PDSS2: variants seen among roughly 807,000 people sequenced by gnomAD.
The protein encoded by PDSS2 is all trans-polyprenyl-diphosphate synthase PDSS2.
A neutral mutation model predicts 44.5 loss-of-function variants in PDSS2; 31 were observed. The observed-to-expected ratio is 0.70, with a 90% CI of 0.52 to 0.94. The LOEUF (loss-of-function observed/expected upper bound fraction) is 0.94, where lower values mean the gene tolerates loss of function less well. Among genes scored for constraint, PDSS2 ranks in the 40% least tolerant of loss-of-function variants. The probability of loss-of-function intolerance (pLI) is 0.00; values close to 1 mark genes in which losing one functional copy is unlikely to be tolerated. For missense variants in PDSS2, 452 were observed against 482.2 expected, an observed-to-expected ratio of 0.94 and a Z score of 0.59; for synonymous variants, 157 against 180.3, an observed-to-expected ratio of 0.87 and a Z score of 1.03.
intron 1 of PDSS2, among the ~76,000 whole-genome samples, chr6:107,382,608 C>T (rs1779486610): frequency 6.6e-6 from 1 of 152,204 alleles, no homozygotes; most frequent in Non-Finnish European, 1.5e-5. Flanking sequence ...AGACCAAGAA[C>T]GGGAGGATCA....
intron 4 of PDSS2, among the ~76,000 whole-genome samples, chr6:107,234,730 A>G (rs141427499): frequency 1.0e-3 from 159 of 152,242 alleles, no homozygotes; most frequent in African/African-American, 3.7e-3. Context: ...GGTCAATTAG[A>G]TGCAAAACAT....
chr6:107,431,730 T>A (rs1441907614), intron 1 of PDSS2, among the ~76,000 whole-genome samples: 1 of 152,222 alleles, frequency 6.6e-6, no homozygotes, highest in African/African-American at 2.4e-5. Flanking sequence ...GAGAAATGAT[T>A]ACTGAGTACA....
chr6:107,192,488 A>G (rs1772414025), intron 7 of PDSS2: 6 of 405,100 alleles, frequency 1.5e-5, no homozygotes, highest in South Asian at 6.1e-5. Context: ...CCAGAGACCA[A>G]GTTATTTGCT....
intron 1 of PDSS2, among the ~76,000 whole-genome samples, chr6:107,440,520 A>G (rs1027012187): frequency 2.6e-5 from 4 of 152,230 alleles, no homozygotes; most frequent in Non-Finnish European, 4.4e-5. Context: ...CACTTTTCCA[A>G]CTGGGTACTG....
intron 2 of PDSS2, among the ~76,000 whole-genome samples, chr6:107,305,508 C>T (rs1389873908): frequency 6.6e-6 from 1 of 152,180 alleles, no homozygotes; most frequent in Non-Finnish European, 1.5e-5. Context: ...TAGAATCTTA[C>T]AAGTTATTTC....
intron 1 of PDSS2, among the ~76,000 whole-genome samples, chr6:107,378,290 A>G (rs1779351540): frequency 6.6e-6 from 1 of 151,192 alleles, no homozygotes; most frequent in South Asian, 2.1e-4. Context: ...AGAAAAGAAG[A>G]CACACGGGCT....
At chr6:107,381,003 T>A (rs1317270436) in intron 1 of PDSS2, among the ~76,000 whole-genome samples, 5 of 152,134 alleles carry the variant, frequency 3.3e-5, no homozygotes, top group Non-Finnish European at 5.9e-5. Flanking sequence ...TTTATTTTAG[T>A]GTGAAGGAAA....
At chr6:107,411,866 ACTT>A (rs199528764) in intron 1 of PDSS2, among the ~76,000 whole-genome samples, 129 of 136,484 alleles carry the variant, frequency 9.5e-4, no homozygotes, top group Middle Eastern at 3.8e-3. Flanking sequence ...GAATAACTGT[ACTT>A]CTTCTTCTTC....
At chr6:107,307,511 T>G (rs1319997676) in intron 2 of PDSS2, among the ~76,000 whole-genome samples, 1 of 151,932 alleles carries the variant, frequency 6.6e-6, no homozygotes, top group African/African-American at 2.4e-5. Context: ...GGGGCACTTC[T>G]ACTTTTTAAG....
intron 1 of PDSS2, among the ~76,000 whole-genome samples, chr6:107,391,376 T>C (rs1346039015): frequency 2.0e-5 from 3 of 152,120 alleles, no homozygotes; most frequent in Non-Finnish European, 4.4e-5. Flanking sequence ...TAGTAAGAAA[T>C]AGATTTTATT....
chr6:107,445,193 T>C (rs973147358), intron 1 of PDSS2, among the ~76,000 whole-genome samples: 1 of 151,314 alleles, frequency 6.6e-6, no homozygotes, highest in African/African-American at 2.4e-5. Flanking sequence ...ATATTTTATA[T>C]ATATATATAT....
chr6:107,209,982 C>A (rs192534495), intron 6 of PDSS2, among the ~76,000 whole-genome samples: 51 of 152,140 alleles, frequency 3.4e-4, no homozygotes, highest in Admixed American at 3.1e-3. Context: ...TTTTCCCCCC[C>A]GCTTTGATAA....
intron 7 of PDSS2, among the ~76,000 whole-genome samples, chr6:107,165,130 T>C (rs1306432020): frequency 2.6e-5 from 4 of 152,168 alleles, no homozygotes; most frequent in Non-Finnish European, 4.4e-5. Context: ...TTCACTCTGA[T>C]GGTAGTTTCT....
intron 2 of PDSS2, among the ~76,000 whole-genome samples, chr6:107,279,167 C>T (rs569017526): frequency 1.3e-5 from 2 of 151,646 alleles, no homozygotes; most frequent in Middle Eastern, 3.4e-3. Flanking sequence ...TGCAGTGAGC[C>T]GAGATCACAC....
intron 1 of PDSS2, among the ~76,000 whole-genome samples, chr6:107,343,850 A>AAC (rs1239856877): frequency 6.6e-6 from 1 of 152,214 alleles, no homozygotes; most frequent in Non-Finnish European, 1.5e-5. Context: ...TGAAAAGAAA[A>AAC]ACAGGATAAG....
intron 1 of PDSS2, among the ~76,000 whole-genome samples, chr6:107,372,515 G>A (rs1240339831): frequency 6.6e-6 from 1 of 152,134 alleles, no homozygotes; most frequent in Non-Finnish European, 1.5e-5. Flanking sequence ...GCAGTTGCGC[G>A]ATCTCGACTC....
At chr6:107,214,386 C>T (rs764316083) in intron 4 of PDSS2, among the ~76,000 whole-genome samples, 51 of 152,198 alleles carry the variant, frequency 3.4e-4, no homozygotes, top group Non-Finnish European at 5.6e-4. Flanking sequence ...CCACCGCTCC[C>T]GGCCTTTACA....
intron 2 of PDSS2, among the ~76,000 whole-genome samples, chr6:107,277,977 TA>T (rs200734180): frequency 8.1e-5 from 12 of 148,256 alleles, no homozygotes; most frequent in Middle Eastern, 3.5e-3. Context: ...AATGAATAAA[TA>T]AAATAAATAA....
intron 4 of PDSS2, among the ~76,000 whole-genome samples, chr6:107,240,946 G>A (rs1774402618): frequency 6.6e-6 from 1 of 152,064 alleles, no homozygotes; most frequent in African/African-American, 2.4e-5. Context: ...TATTTTGTAT[G>A]TTTATATAGC....
Sources: allele counts gnomAD v4.1 joint callset (sites outside exome capture counted in the v4.1 genomes callset), GRCh38; gene constraint gnomAD v4.1.1; transcripts MANE v1.5; gene names NCBI Gene and HGNC (gene_info 2026-07-23, HGNC 2026-07-21).